Variants in KAZN observed in about 807,000 individuals in gnomAD.
KAZN encodes the protein kazrin, periplakin interacting protein, also known as kazrin.
Under a neutral mutation model 87.4 loss-of-function variants are expected in KAZN, and 40 were observed. The ratio of observed to expected loss-of-function variants is 0.46; its 90% CI spans 0.36 to 0.60. The LOEUF is 0.60. Ranked by LOEUF, KAZN falls within the 20% of genes least tolerant of loss-of-function variation. The probability of loss-of-function intolerance (pLI) is 0.00; values close to 1 mark genes in which losing one functional copy is unlikely to be tolerated. For missense variants in KAZN, 898 were observed against 1,073.9 expected, an observed-to-expected ratio of 0.84 and a Z score of 2.29; for synonymous variants, 466 against 458.3, an observed-to-expected ratio of 1.02 and a Z score of -0.22.
At chr1:14,520,273 G>A (rs144709807) in intron 2 of KAZN, among the ~76,000 whole-genome samples, 119 of 152,202 alleles carry the variant, frequency 7.8e-4, no homozygotes, top group African/African-American at 2.6e-3. Context: ...ACCACACATG[G>A]CCACAGGATT....
At chr1:14,377,249 T>C (rs1162333015) in intron 2 of KAZN, among the ~76,000 whole-genome samples, 3 of 152,194 alleles carry the variant, frequency 2.0e-5, no homozygotes, top group Non-Finnish European at 2.9e-5. Flanking sequence ...TAACTGGTAA[T>C]TGGTTTCCTA....
chr1:14,685,868 G>A (rs1076713), intron 1 of KAZN, among the ~76,000 whole-genome samples: 60,522 of 152,002 alleles, frequency 0.4, 13,167 homozygotes, highest in South Asian at 0.52. Context: ...CTGTGTGTGT[G>A]CGCACGTGTG....
chr1:14,539,598 T>G (rs1672693969), intron 2 of KAZN, among the ~76,000 whole-genome samples: 1 of 152,196 alleles, frequency 6.6e-6, no homozygotes, highest in African/African-American at 2.4e-5. Context: ...ATCAAAGAAT[T>G]AAGAGACGAC....
chr1:14,408,117 T>TA (rs1467341495), intron 2 of KAZN, among the ~76,000 whole-genome samples: 1 of 152,134 alleles, frequency 6.6e-6, no homozygotes, highest in African/African-American at 2.4e-5. Context: ...TAGGACCTAT[T>TA]AAGGTGAGAA....
At position 14,078,675 on chromosome 1, in the gene KAZN, T is replaced by A. The variant is rs1182137286; in HGVS notation, c.92-101760T>A. On this transcript the variant is annotated intron_variant, in intron 1 of 16. Coordinates refer to the KAZN transcript ENST00000636203. ...CAGGATGGAAGGGGCAAGGCAGCTC[T>A]CTGGGGCCTCTCTTTTTTGTTGTTT... Among the ~76,000 whole-genome samples the A allele has an allele frequency of 2.0e-5, 3 of 151,704 alleles. No homozygotes were observed. In the East Asian group the frequency reaches 5.8e-4, roughly 29 times the overall value.
At chr1:14,369,450 AAAG>A (rs1326702463) in intron 2 of KAZN, among the ~76,000 whole-genome samples, 9 of 152,230 alleles carry the variant, frequency 5.9e-5, no homozygotes, top group Non-Finnish European at 1.3e-4. Flanking sequence ...AGTCCGCTTC[AAAG>A]AAGGAGCCTT....
At chr1:14,828,092 T>C (rs964850770) in intron 1 of KAZN, among the ~76,000 whole-genome samples, 1 of 152,184 alleles carries the variant, frequency 6.6e-6, no homozygotes, top group East Asian at 1.9e-4. Flanking sequence ...ACACAATCAA[T>C]CACCGAATTC....
chr1:14,858,820 G>A (rs906492980), intron 1 of KAZN, among the ~76,000 whole-genome samples: 5 of 152,060 alleles, frequency 3.3e-5, no homozygotes, highest in East Asian at 1.9e-4. Flanking sequence ...CCTGTAACTC[G>A]CCAGTGAATA....
At chr1:14,848,080 A>G (rs1648992099) in intron 1 of KAZN, among the ~76,000 whole-genome samples, 2 of 152,228 alleles carry the variant, frequency 1.3e-5, no homozygotes, top group Admixed American at 1.3e-4. Flanking sequence ...AAACATGCAA[A>G]TTTGAGGACC....
intron 1 of KAZN, among the ~76,000 whole-genome samples, chr1:13,981,105 A>ATATATATATATATATATATATATATATG (rs1479644523): frequency 1.3e-4 from 17 of 133,484 alleles, no homozygotes; most frequent in African/African-American, 4.5e-4. Context: ...ATATATATAT[A>ATATATATATATATATATATATATATATG]TATATGTATA....
chr1:13,901,215 T>C (rs1639238663), intron 1 of KAZN, among the ~76,000 whole-genome samples: 1 of 152,244 alleles, frequency 6.6e-6, no homozygotes, highest in Admixed American at 6.5e-5. Context: ...GGTTTGTGTG[T>C]CTCTTGCTGG....
At chr1:14,533,626 AC>A (rs1409991113) in intron 2 of KAZN, among the ~76,000 whole-genome samples, 1 of 152,090 alleles carries the variant, frequency 6.6e-6, no homozygotes, top group Non-Finnish European at 1.5e-5. Flanking sequence ...TTTGCTTTTA[AC>A]TTAGCAGAGG....
intron 1 of KAZN, among the ~76,000 whole-genome samples, chr1:14,927,759 T>C (rs1330083766): frequency 1.3e-5 from 2 of 152,196 alleles, no homozygotes; most frequent in African/African-American, 4.8e-5. Flanking sequence ...ATTCTGCCTC[T>C]TCACATCCTC....
intron 2 of KAZN, among the ~76,000 whole-genome samples, chr1:14,510,222 T>A (rs545002245): frequency 6.6e-6 from 1 of 152,082 alleles, no homozygotes; most frequent in African/African-American, 2.4e-5. Flanking sequence ...CTACTAAAAA[T>A]ACAAAATTAG....
At chr1:14,491,932 T>G (rs1438735306) in intron 2 of KAZN, among the ~76,000 whole-genome samples, 1 of 152,240 alleles carries the variant, frequency 6.6e-6, no homozygotes. Flanking sequence ...CCTCCCTTTT[T>G]AATCTTTTCA....
intron 1 of KAZN, among the ~76,000 whole-genome samples, chr1:14,701,855 A>G (rs2148805641): frequency 6.6e-6 from 1 of 152,260 alleles, no homozygotes; most frequent in Admixed American, 6.5e-5. Flanking sequence ...TGACCGTCTC[A>G]CACTGGCTGC....
chr1:14,008,907 A>G (rs905283740), intron 1 of KAZN, among the ~76,000 whole-genome samples: 2 of 152,172 alleles, frequency 1.3e-5, no homozygotes, highest in African/African-American at 4.8e-5. Flanking sequence ...ATCCAGCTCC[A>G]TAGCTCTTTT....
At chr1:14,138,979 G>A (rs1011621551) in intron 1 of KAZN, among the ~76,000 whole-genome samples, 30 of 152,348 alleles carry the variant, frequency 2.0e-4, no homozygotes, top group African/African-American at 6.5e-4. Context: ...GCCAGCACAT[G>A]TGGATGAAGT....
intron 1 of KAZN, among the ~76,000 whole-genome samples, chr1:14,071,284 C>T (rs982944775): frequency 2.6e-5 from 4 of 152,100 alleles, no homozygotes; most frequent in Non-Finnish European, 5.9e-5. Context: ...ATGTTTCTGA[C>T]CCTGTGGACC....
Sources: allele counts gnomAD v4.1 joint callset (sites outside exome capture counted in the v4.1 genomes callset), GRCh38; gene constraint gnomAD v4.1.1; transcripts MANE v1.5; gene names NCBI Gene and HGNC (gene_info 2026-07-23, HGNC 2026-07-21).